SLC6A17: variants seen among roughly 807,000 people sequenced by gnomAD.
The protein encoded by SLC6A17 is solute carrier family 6 member 17, also known as sodium-dependent neutral amino acid transporter SLC6A17.
In SLC6A17, 21 loss-of-function variants were observed where a neutral mutation model predicts 64.5. The ratio of observed to expected loss-of-function variants is 0.33; its 90% CI spans 0.23 to 0.47. The LOEUF is 0.47. Ranked by LOEUF, SLC6A17 falls within the 20% of genes least tolerant of loss-of-function variation. The pLI, the probability that SLC6A17 is intolerant of heterozygous loss-of-function variation, is 1.00. For synonymous variants in SLC6A17, 372 were observed against 399.5 expected (o/e 0.93, Z 0.82); for missense variants, 682 against 963.2 (o/e 0.71, Z 3.86).
At chr1:110,175,879 GGAT>G (rs1173537234) in intron 5 of SLC6A17, among the ~76,000 whole-genome samples, 13 of 152,136 alleles carry the variant, frequency 8.5e-5, no homozygotes, top group South Asian at 4.1e-4. Context: ...TATGAGTTAG[GGAT>G]GATTACACCC....
At chr1:110,169,407 G>A (rs1056706345) in intron 2 of SLC6A17, among the ~76,000 whole-genome samples, 5 of 152,156 alleles carry the variant, frequency 3.3e-5, no homozygotes, top group African/African-American at 1.2e-4. Context: ...TCAAATATCA[G>A]CAATTTTATA....
chr1:110,172,234 G>A lies in SLC6A17; in HGVS notation c.444+17G>A, dbSNP rs912331904. The A allele has an allele frequency of 5.1e-6, 8 of 1,564,414 alleles. No homozygotes were observed. Among genetic ancestry groups the A allele is most frequent in the African/African-American group, 1.4e-5 (1 of 73,812 alleles). On this transcript the variant is annotated intron_variant, in intron 3 of 11. Coordinates refer to ENST00000331565, the MANE Select transcript of SLC6A17 (RefSeq NM_001010898.4). ...AGCTGCATAGTGAGTCAAGGGCTGG[G>A]GCAGGCACTGAGTGGGAGGCAGGGG...
At chr1:110,177,134 C>CTTCA (rs1047961981) in intron 6 of SLC6A17, among the ~76,000 whole-genome samples, 51 of 152,234 alleles carry the variant, frequency 3.4e-4, no homozygotes, top group African/African-American at 1.1e-3. Context: ...GAGCAGGGAG[C>CTTCA]TTCATTCATT....
At chr1:110,194,993 T>A (rs532396884) in intron 9 of SLC6A17, 2 of 611,592 alleles carry the variant, frequency 3.3e-6, no homozygotes, top group Non-Finnish European at 5.7e-6. Context: ...CCGGGAGGCC[T>A]GCATCTAGGC....
chr1:110,197,714 G>T (rs1192572471), intron 11 of SLC6A17, 115 bp downstream of exon 11: 2 of 1,245,638 alleles, frequency 1.6e-6, no homozygotes, highest in African/African-American at 1.5e-5. Flanking sequence ...GCCTTGCCAG[G>T]TGCCTCACAC....
intron 10 of SLC6A17, 81 bp from the exon 11 acceptor site, chr1:110,197,356 T>G: frequency 2.0e-6 from 3 of 1,527,118 alleles, no homozygotes; most frequent in Non-Finnish European, 2.6e-6. Flanking sequence ...AACGAAGACT[T>G]TCTGGAGGAG....
rs1656936061 is a variant in SLC6A17, at chr1:110,195,449, C to T, written c.1493-137C>T. On this transcript the variant is annotated intron_variant, in intron 9 of 11. Coordinates refer to ENST00000331565, the MANE Select transcript of SLC6A17 (RefSeq NM_001010898.4). ...GAGCATCTGGATCCCTCGTGCAGGA[C>T]TGAGCCTGCTGGCAGGAGGGCTGCA... is the stretch of plus-strand genomic sequence containing the variant. 8.5e-6 allele frequency: 9 copies of T among 1,060,942 alleles called. No individual in the cohort carries two copies. The South Asian group carries it at 1.2e-4, about 15-fold the overall frequency. 65.7% of individuals were successfully genotyped at this position (1,060,942 alleles called of 1,614,324 possible). A position where few individuals can be genotyped will look rare whatever the true frequency, so the allele number is the denominator to read the frequency against.
chr1:110,174,446 A>C (rs1656318544), intron 4 of SLC6A17, among the ~76,000 whole-genome samples: 1 of 152,016 alleles, frequency 6.6e-6, no homozygotes. Context: ...ATGAGAATCC[A>C]GGTCTCTAGC....
chr1:110,177,254 A>C (rs1048560512), intron 6 of SLC6A17, among the ~76,000 whole-genome samples: 63 of 152,326 alleles, frequency 4.1e-4, no homozygotes, highest in African/African-American at 1.4e-3. Context: ...GAAAGAAGTT[A>C]CTATTTTATT....
In SLC6A17 at chr1:110,192,545, C is replaced by T. The variant is rs764743164; in HGVS notation, c.1146C>T (p.Val382=). ...EKILGYLNTN[V]LSRDLIPPHV... is the part of the protein sequence containing the mutation. ...TCCTAGGGTACCTTAACACCAACGTCCTGAGCCGGGACCTCATCCCACCCC... is the reference window on the plus strand; with the variant it reads ...TCCTAGGGTACCTTAACACCAACGTTCTGAGCCGGGACCTCATCCCACCCC... Residue 382 remains valine, a synonymous_variant, in exon 8 of 12, where the codon GTC becomes GTT. Transcript: ENST00000331565. This position sits in a 1 kb window ranked among gnomAD's most constrained non-coding sequence, Gnocchi z 4.3. 6.2e-7 allele frequency: 1 copy of T among 1,614,124 alleles called. No homozygotes were observed. Among genetic ancestry groups the T allele is most frequent in the Non-Finnish European group, 8.5e-7 (1 of 1,180,002 alleles).
intron 11 of SLC6A17, 100 bp from the exon 12 acceptor site, chr1:110,197,976 T>G (rs1571005961): frequency 6.7e-7 from 1 of 1,501,174 alleles, no homozygotes; most frequent in Non-Finnish European, 8.8e-7. Context: ...GGGAGAGGAG[T>G]GGAAGGCCAT....
chr1:110,154,573 C>T (rs1237876910), intron 1 of SLC6A17, among the ~76,000 whole-genome samples: 1 of 152,148 alleles, frequency 6.6e-6, no homozygotes, highest in Non-Finnish European at 1.5e-5. Context: ...GAAAAAGATC[C>T]CAGGCTTCAT....
rs72984726 is a variant in SLC6A17, at chr1:110,185,925, C to T, written c.865-6047C>T. 8.7e-3 allele frequency among the ~76,000 whole-genome samples: 1,321 copies of T among 152,264 alleles called. 13 individuals carry two copies. Among genetic ancestry groups the T allele is most frequent in the African/African-American group, 0.03 (1,266 of 41,546 alleles). On this transcript the variant is annotated intron_variant, in intron 6 of 11. Transcript: ENST00000331565. ...GCTGCAGGCTGGAAGGGAGGGTGCC[C>T]AGGGACCACCTGCACCAGGCACTTT...
chr1:110,200,046 C>G lies in SLC6A17; in HGVS notation c.*1602C>G, dbSNP rs1288366994. The G allele has an allele frequency of 2.5e-6, 1 of 398,316 alleles. No individual in the cohort carries two copies. The highest frequency in any genetic ancestry group is 2.1e-5 in the African/African-American group (1 of 48,528). 24.7% of individuals were successfully genotyped at this position (398,316 alleles called of 1,614,324 possible). ...CTCCATCTTTGAGAGCTCTGGTGGG[C>G]AGGGCAGAAACAGGCCACAGTGCTC... is the stretch of plus-strand genomic sequence containing the variant. On this transcript the variant is annotated 3_prime_UTR_variant, in exon 12 of 12. Transcript: ENST00000331565.
At chr1:110,173,903 TCG>T in intron 3 of SLC6A17, 68 bp from the exon 4 acceptor site, 13 of 1,528,574 alleles carry the variant, frequency 8.5e-6, no homozygotes, top group Admixed American at 5.8e-5. Flanking sequence ...GTGCTGGGCC[TCG>T]GGTGGAGCGT....
At chr1:110,160,910 A>G (rs975274956) in intron 1 of SLC6A17, among the ~76,000 whole-genome samples, 4 of 152,160 alleles carry the variant, frequency 2.6e-5, no homozygotes, top group African/African-American at 9.7e-5. Context: ...CAGCGGGGAA[A>G]GTGAGCTGGG....
intron 3 of SLC6A17, 74 bp from the exon 4 acceptor site, chr1:110,173,899 G>T: frequency 6.5e-7 from 1 of 1,530,968 alleles, no homozygotes; most frequent in Non-Finnish European, 8.8e-7. Context: ...CGACGTGCTG[G>T]GCCTCGGGTG....
At chr1:110,186,295 C>T (rs1214695006) in intron 6 of SLC6A17, among the ~76,000 whole-genome samples, 1 of 151,914 alleles carries the variant, frequency 6.6e-6, no homozygotes. Flanking sequence ...TGTGACTAGG[C>T]TGAGGAATTT....
chr1:110,157,551 C>T (rs373556558), intron 1 of SLC6A17, among the ~76,000 whole-genome samples: 16 of 151,210 alleles, frequency 1.1e-4, no homozygotes, highest in African/African-American at 3.4e-4. Flanking sequence ...CCAGCCTGGG[C>T]GACAAAGCAA....
Sources: gnomAD v4.1 joint callset for allele counts (sites outside exome capture counted in the v4.1 genomes callset) on GRCh38, gnomAD v4.1.1 for gene constraint, Gnocchi (gnomAD v3.1) non-coding constraint, MANE v1.5 for transcripts, NCBI Gene and HGNC (gene_info 2026-07-23, HGNC 2026-07-21) for gene names.